The following DRC1 variants were observed in gnomAD, a reference collection of about 807,000 sequenced individuals.
The protein encoded by DRC1 is dynein regulatory complex subunit 1, also known as dynein regulatory complex protein 1.
DRC1 carries 74 observed loss-of-function variants against 98.7 expected under a neutral mutation model. The observed-to-expected ratio is 0.75, with a 90% confidence interval of 0.62 to 0.91. The LOEUF is 0.91. Ranked by LOEUF, DRC1 falls within the 40% of genes least tolerant of loss-of-function variation. DRC1 has a pLI of 0.00. For synonymous variants in DRC1, 336 were observed against 334.1 expected, an observed-to-expected ratio of 1.01 and a Z score of -0.06; for missense variants, 875 against 886.0, an observed-to-expected ratio of 0.99 and a Z score of 0.16.
intron 1 of DRC1, among the ~76,000 whole-genome samples, chr2:26,403,795 C>CAAA (rs397870483): frequency 8.2e-4 from 63 of 77,234 alleles, no homozygotes; most frequent in African/African-American, 3.0e-3. Flanking sequence ...AACTCCATCT[C>CAAA]AAAAAAAAAA....
Position 26,429,755 on chromosome 2 carries a change from A to AT in DRC1, c.669dup (p.Asn224Ter), listed in dbSNP as rs771266859. 2 of 1,614,120 alleles carry AT rather than the reference A, an allele frequency of 1.2e-6. No homozygotes were observed. Among genetic ancestry groups the AT allele is most frequent in the South Asian group, 2.2e-5 (2 of 91,066 alleles). ...ATGAAAACCTTTCGTGAGGAGCTCTATAACATTGAGGTAACAGGGTGTGAA... is the reference window on the plus strand; with the variant it reads ...ATGAAAACCTTTCGTGAGGAGCTCTATTAACATTGAGGTAACAGGGTGTGAA... On this transcript the variant is annotated frameshift_variant, in exon 5 of 17. Coordinates refer to ENST00000288710, the MANE Select transcript of DRC1 (RefSeq NM_145038.5). LOFTEE classifies it high-confidence loss of function.
intron 8 of DRC1, among the ~76,000 whole-genome samples, chr2:26,442,295 A>G (rs1663737626): frequency 6.6e-6 from 1 of 152,242 alleles, no homozygotes; most frequent in African/African-American, 2.4e-5. Context: ...TTCAAGCCGT[A>G]GCAACCTATG....
intron 1 of DRC1, among the ~76,000 whole-genome samples, chr2:26,409,120 T>C (rs1264976741): frequency 2.7e-5 from 4 of 150,756 alleles, no homozygotes; most frequent in South Asian, 4.2e-4. Context: ...TTTTTAGAGA[T>C]GGAGTCCTGC....
rs1663924677 is a variant in DRC1 at position 26,448,742 on chromosome 2, T to C, written c.1448T>C (p.Leu483Ser). The change falls in exon 11 of 17, where the codon TTG becomes TCG. Residue 483 changes from leucine (L) to serine (S), a missense_variant. Physicochemically the swap from Leu to Ser is moderately radical, Grantham distance 145. Coordinates refer to ENST00000288710, the MANE Select transcript of DRC1 (RefSeq NM_145038.5). Reference sequence around the variant, plus strand: ...GCGGAACCAGAGTCCTACCTGGATTTGCCGAAGCAAATTTCTGAAAAAACT... The same window carrying C: ...GCGGAACCAGAGTCCTACCTGGATTCGCCGAAGCAAATTTCTGAAAAAACT... ...AAAEPESYLD[L>S]PKQISEKTTK... 1 of 1,614,268 alleles carries C rather than the reference T, an allele frequency of 6.2e-7. No individual in the cohort carries two copies. Among genetic ancestry groups the C allele is most frequent in the Non-Finnish European group, 8.5e-7 (1 of 1,180,052 alleles).
At chr2:26,453,680 C>T (rs991292590) in intron 14 of DRC1, 131 bp downstream of exon 14, 2 of 918,984 alleles carry the variant, frequency 2.2e-6, no homozygotes, top group Non-Finnish European at 3.3e-6. Flanking sequence ...ACAGGGCTAT[C>T]TGAAGGCGGG....
chr2:26,456,236 T>C (rs1664166117), intron 16 of DRC1, among the ~76,000 whole-genome samples: 1 of 151,954 alleles, frequency 6.6e-6, no homozygotes, highest in Non-Finnish European at 1.5e-5. Context: ...GGGCGGGAGA[T>C]GAAGAACGCT....
chr2:26,442,063 C>T (rs1663731623), intron 8 of DRC1, among the ~76,000 whole-genome samples: 1 of 152,194 alleles, frequency 6.6e-6, no homozygotes, highest in Non-Finnish European at 1.5e-5. Flanking sequence ...GGTTTAGTTT[C>T]TAGTGAGGGC....
At chr2:26,413,331 T>C (rs1201039576) in intron 1 of DRC1, among the ~76,000 whole-genome samples, 1 of 152,230 alleles carries the variant, frequency 6.6e-6, no homozygotes, top group Non-Finnish European at 1.5e-5. Context: ...TATTTATTTA[T>C]GTACTTGTAA....
chr2:26,452,086 G>A (rs1229670673), intron 13 of DRC1, among the ~76,000 whole-genome samples: 1 of 84,502 alleles, frequency 1.2e-5, no homozygotes, highest in Non-Finnish European at 3.2e-5. Flanking sequence ...AACCTGTTAT[G>A]TTGGCGCAAA....
chr2:26,444,685 G>C, intron 9 of DRC1, 31 bp from the exon 10 acceptor site: 1 of 1,600,438 alleles, frequency 6.2e-7, no homozygotes, highest in Non-Finnish European at 8.6e-7. Flanking sequence ...CCTGGGGCCA[G>C]CTGGCCATGC....
intron 7 of DRC1, among the ~76,000 whole-genome samples, chr2:26,435,429 T>C (rs1663544659): frequency 6.6e-6 from 1 of 152,216 alleles, no homozygotes; most frequent in Non-Finnish European, 1.5e-5. Flanking sequence ...TATTTTTAAC[T>C]TTTATTTTAG....
intron 4 of DRC1, among the ~76,000 whole-genome samples, 178 bp downstream of exon 4, chr2:26,424,632 A>G (rs1365236931): frequency 6.6e-6 from 1 of 152,188 alleles, no homozygotes; most frequent in African/African-American, 2.4e-5. Context: ...ATAGCATTAA[A>G]TTTGCCATCA....
intron 3 of DRC1, 101 bp from the exon 4 acceptor site, chr2:26,424,170 A>G: frequency 7.0e-7 from 1 of 1,421,444 alleles, no homozygotes; most frequent in South Asian, 1.3e-5. Context: ...AGTGCCTAGT[A>G]CCTGGGTCTT....
Position 26,421,503 on chromosome 2 carries a change from A to G in DRC1, c.356+103A>G, listed in dbSNP as rs1663140676. 41 of 759,438 alleles carry G rather than the reference A, an allele frequency of 5.4e-5. 1 individual carries two copies. The South Asian group carries it at 8.0e-4, about 15-fold the overall frequency. 47.0% of individuals were successfully genotyped at this position (759,438 alleles called of 1,614,324 possible). On this transcript the variant is annotated intron_variant, in intron 3 of 16. Coordinates refer to ENST00000288710, the MANE Select transcript of DRC1 (RefSeq NM_145038.5). ...AGGGTGACTTTGTCCACCTTAGACA[A>G]TTCCCTTCCTGCCCTTATAACTTCT...
chr2:26,420,852 C>T (rs973846901), intron 2 of DRC1, among the ~76,000 whole-genome samples: 8 of 151,674 alleles, frequency 5.3e-5, no homozygotes, highest in Admixed American at 3.9e-4. Flanking sequence ...TAACTTCTGC[C>T]TCCCAGGTTC....
Position 26,454,597 on chromosome 2 carries a change from C to T in DRC1, c.1920-50C>T. ...GCCTGTGACTGGCACTGCCTGGGGG[C>T]CTGGGTAGTACCCAATGGACATGAC... On this transcript the variant is annotated intron_variant, in intron 14 of 16. Transcript: ENST00000288710. The surrounding 1 kb of genome is among the most constrained non-coding windows in gnomAD (Gnocchi z 5.2). 6.2e-7 allele frequency: 1 copy of T among 1,604,182 alleles called. No homozygotes were observed. Among genetic ancestry groups the T allele is most frequent in the Non-Finnish European group, 8.5e-7 (1 of 1,174,250 alleles).
chr2:26,408,957 G>A (rs2147976759), intron 1 of DRC1, among the ~76,000 whole-genome samples: 1 of 152,094 alleles, frequency 6.6e-6, no homozygotes, highest in Non-Finnish European at 1.5e-5. Flanking sequence ...TTAAGCAACA[G>A]AGTCTCACTC....
At chr2:26,432,761 G>A (rs551579267) in intron 7 of DRC1, among the ~76,000 whole-genome samples, 9 of 152,160 alleles carry the variant, frequency 5.9e-5, no homozygotes, top group Non-Finnish European at 1.0e-4. Flanking sequence ...CAGCCATCAA[G>A]TGAGTCTCTC....
intron 5 of DRC1, among the ~76,000 whole-genome samples, chr2:26,430,032 T>C (rs1663392416): frequency 6.6e-6 from 1 of 152,156 alleles, no homozygotes; most frequent in South Asian, 2.1e-4. Context: ...TGTATGCTAG[T>C]AGGAAGCAGC....
Sources: gnomAD v4.1 joint callset for allele counts (sites outside exome capture counted in the v4.1 genomes callset) on GRCh38, gnomAD v4.1.1 for gene constraint, Gnocchi (gnomAD v3.1) non-coding constraint, MANE v1.5 for transcripts, NCBI Gene and HGNC (gene_info 2026-07-23, HGNC 2026-07-21) for gene names.